The following URB1 variants were observed in gnomAD, a reference collection of about 807,000 sequenced individuals.
URB1 encodes the protein URB1 ribosome biogenesis factor.
In URB1, 197 loss-of-function variants were observed where a neutral mutation model predicts 242.3. The observed-to-expected ratio is 0.81, with a 90% CI of 0.72 to 0.91. URB1 has a LOEUF of 0.91. URB1 is among the 40% of genes least tolerant of loss of function. The pLI, the probability that URB1 is intolerant of heterozygous loss-of-function variation, is 0.00. For missense variants in URB1, 2,721 were observed against 2,860.5 expected (o/e 0.95, Z 1.11); for synonymous variants, 1,153 against 1,201.8 (o/e 0.96, Z 0.84).
At chr21:32,363,513 T>C (rs1042625394) in intron 10 of URB1, among the ~76,000 whole-genome samples, 184 bp from the exon 11 acceptor site, 3 of 152,222 alleles carry the variant, frequency 2.0e-5, no homozygotes, top group Admixed American at 2.0e-4. Flanking sequence ...CCTCTGGGTC[T>C]GACTTCAGCA....
At chr21:32,322,617 G>A (rs1168086436) in intron 32 of URB1, 33 bp from the exon 33 acceptor site, 2 of 1,499,700 alleles carry the variant, frequency 1.3e-6, no homozygotes, top group Non-Finnish European at 1.8e-6. Flanking sequence ...AGTCATGGCA[G>A]GCCCCAGCAG....
At chr21:32,343,618 A>G (rs1022213618) in intron 24 of URB1, among the ~76,000 whole-genome samples, 1 of 152,204 alleles carries the variant, frequency 6.6e-6, no homozygotes, top group Non-Finnish European at 1.5e-5. Context: ...TGAAGTACAC[A>G]TATTTCTGTA....
intron 4 of URB1, among the ~76,000 whole-genome samples, chr21:32,378,854 T>G (rs1257327286): frequency 6.6e-6 from 1 of 152,230 alleles, no homozygotes; most frequent in Admixed American, 6.5e-5. Flanking sequence ...TTTCGTTTCT[T>G]GGCCACTTTG....
intron 27 of URB1, 29 bp from the exon 28 acceptor site, chr21:32,337,186 A>G: frequency 1.3e-6 from 2 of 1,550,874 alleles, no homozygotes; most frequent in Non-Finnish European, 1.7e-6. Flanking sequence ...TCGGTTTAGG[A>G]AGATGAACCC....
In URB1 at chr21:32,325,358, A is replaced by T. The variant is rs367812791; in HGVS notation, c.4992T>A (p.Asp1664Glu). 26 of 1,551,084 alleles carry T rather than the reference A, an allele frequency of 1.7e-5. No homozygotes were observed. The African/African-American group carries it at 3.0e-4, about 18-fold the overall frequency. Residue 1664 changes from aspartate (D) to glutamate (E), a missense_variant, in exon 31 of 39, where the codon GAT becomes GAA. Physicochemically the swap from Asp to Glu is conservative, Grantham distance 45. Coordinates refer to ENST00000382751, the MANE Select transcript of URB1 (RefSeq NM_014825.3). The stretch of plus-strand genomic sequence containing the variant: ...TGACAGTTAGGCCCAGAGCATTTGA[A>T]TCCAAAAATTTTCGACAATCCACCA... ...EFVVDCRKFL[D>E]SNALGLTVTA...
intron 9 of URB1, 54 bp from the exon 10 acceptor site, chr21:32,366,809 G>A: frequency 6.5e-7 from 1 of 1,535,470 alleles, no homozygotes; most frequent in East Asian, 2.5e-5. Context: ...TTTCAAACCT[G>A]AGACTAGCTG....
chr21:32,331,620 TCACA>T (rs2032893382), intron 30 of URB1, among the ~76,000 whole-genome samples: 1 of 152,158 alleles, frequency 6.6e-6, no homozygotes, highest in African/African-American at 2.4e-5. Context: ...CGACAGGCTC[TCACA>T]CACACAAAGG....
chr21:32,371,837 A>G (rs9982950), intron 8 of URB1, among the ~76,000 whole-genome samples: 23,297 of 152,102 alleles, frequency 0.15, 2,395 homozygotes, highest in African/African-American at 0.3. Flanking sequence ...AAAATCACAT[A>G]GACCTGTATT....
At position 32,311,421 on chromosome 21, in the gene URB1, C is replaced by A. The variant is rs755591006; in HGVS notation, c.*3497G>T. ...CTGCTCCCCTCCACCCCCCACCCCC[C>A]CCATCCTAAATCAATGTAGGAAGAA... On this transcript the variant is annotated 3_prime_UTR_variant, in exon 39 of 39. Transcript: ENST00000382751. The A allele has an allele frequency of 3.0e-5, 9 of 302,946 alleles. No homozygotes were observed. Among genetic ancestry groups the A allele is most frequent in the East Asian group, 1.1e-4 (2 of 18,712 alleles). 18.8% of individuals were successfully genotyped at this position (302,946 alleles called of 1,614,324 possible). A position where few individuals can be genotyped will look rare whatever the true frequency, so the allele number is the denominator to read the frequency against.
rs573266495 is a variant in URB1, at chr21:32,366,488, G to A, written c.1335+130C>T. 29 of 1,308,228 alleles carry A rather than the reference G, an allele frequency of 2.2e-5. No homozygotes were observed. In the East Asian group the frequency reaches 6.6e-4, roughly 30 times the overall value. 81.0% of individuals were successfully genotyped at this position (1,308,228 alleles called of 1,614,324 possible). A position where few individuals can be genotyped will look rare whatever the true frequency, so the allele number is the denominator to read the frequency against. ...TATTTCAAACTACAGCCTCTGTCCT[G>A]GAAGCCTCCGAGGCCCCCTGACAAA... On this transcript the variant is annotated intron_variant, in intron 10 of 38. Coordinates refer to ENST00000382751, the MANE Select transcript of URB1 (RefSeq NM_014825.3).
In URB1 at chr21:32,345,498, G is replaced by A. The variant is rs2033076975; in HGVS notation, c.3946C>T (p.Pro1316Ser). Reference protein sequence around the residue: ...LQSRLLSTDSPPASGLYQEIL... With the variant: ...LQSRLLSTDSSPASGLYQEIL... ...TCCTGGTACAGCCCAGATGCTGGGG[G>A]ACTGTCAGTGCTAAGAAGCCTGCTC... Residue 1316 changes from proline (P) to serine (S), a missense_variant, in exon 23 of 39, where the codon CCC (proline) becomes TCC (serine). Pro to Ser is a moderately conservative substitution (Grantham distance 74, BLOSUM62 -1). Coordinates refer to ENST00000382751, the MANE Select transcript of URB1 (RefSeq NM_014825.3). The A allele has an allele frequency of 1.9e-6, 3 of 1,551,474 alleles. No homozygotes were observed. The highest frequency in any genetic ancestry group is 2.7e-5 in the African/African-American group (2 of 73,168).
chr21:32,333,302 G>GA lies in URB1; in HGVS notation c.4960+14dup, dbSNP rs1434832842. On this transcript the variant is annotated intron_variant, in intron 30 of 38. Transcript: ENST00000382751. ...ATGCATAGCAAGCCCTGACCCAAGA[G>GA]AAGACTGCAGTTACCTGGCCTGGTC... 2 of 1,551,022 alleles carry GA rather than the reference G, an allele frequency of 1.3e-6. No homozygotes were observed. Among genetic ancestry groups the GA allele is most frequent in the South Asian group, 2.4e-5 (2 of 84,036 alleles).
intron 24 of URB1, among the ~76,000 whole-genome samples, 159 bp downstream of exon 24, chr21:32,344,411 G>A (rs1053175050): frequency 3.3e-5 from 5 of 152,082 alleles, no homozygotes; most frequent in Admixed American, 2.6e-4. Context: ...CAATTCTGGG[G>A]TTATCCAGTA....
At position 32,359,884 on chromosome 21, in the gene URB1, C is replaced by A. The variant is rs887246838; in HGVS notation, c.1781G>T (p.Arg594Leu). ...LKGVISEQGL[R>L]EEVPPILQHH... is the part of the protein sequence containing the mutation. ...CTGCAGAATGGGAGGCACCTCCTCT[C>A]GAAGGCCCTGCTCAGAGATGACACC... The change falls in exon 14 of 39, where the codon CGA (arginine) becomes CTA (leucine). Residue 594 changes from arginine to leucine, a missense_variant. Coordinates refer to ENST00000382751, the MANE Select transcript of URB1 (RefSeq NM_014825.3). 8 of 1,548,422 alleles carry A rather than the reference C, an allele frequency of 5.2e-6. No individual in the cohort carries two copies. The highest frequency in any genetic ancestry group is 7.0e-6 in the Non-Finnish European group (8 of 1,145,764).
At chr21:32,328,184 C>G (rs567362037) in intron 30 of URB1, among the ~76,000 whole-genome samples, 1 of 152,248 alleles carries the variant, frequency 6.6e-6, no homozygotes, top group African/African-American at 2.4e-5. Context: ...GTCGCCCAGG[C>G]TGGAGTGCAG....
At chr21:32,368,276 C>T in intron 9 of URB1, 127 bp downstream of exon 9, 2 of 778,030 alleles carry the variant, frequency 2.6e-6, no homozygotes, top group East Asian at 6.1e-5. Context: ...TCACGTTGGC[C>T]AGGCTGGTCT....
rs373701771 is a variant in URB1, at chr21:32,363,337, G to GA, written c.1336-9dup. On this transcript the variant is annotated splice_polypyrimidine_tract_variant and intron_variant, in intron 10 of 38. Transcript: ENST00000382751. ...CACTGAGGTGCTGTCCAACTGGGAA[G>GA]AAAAAGAGTTAAATGCACACATGTC... The GA allele has an allele frequency of 1.3e-3, 2,074 of 1,550,032 alleles. 18 individuals carry two copies. In the African/African-American group the frequency reaches 0.026, roughly 19 times the overall value.
At chr21:32,316,087 A>G (rs1246302362) in intron 38 of URB1, among the ~76,000 whole-genome samples, 2 of 152,264 alleles carry the variant, frequency 1.3e-5, no homozygotes, top group African/African-American at 4.8e-5. Flanking sequence ...ATGCGCACAC[A>G]TGCAAGCATA....
In URB1 at chr21:32,350,896, C is replaced by T. The variant is rs373405149; in HGVS notation, c.2640G>A (p.Ser880=). 35 of 1,548,142 alleles carry T rather than the reference C, an allele frequency of 2.3e-5. No homozygotes were observed. Among genetic ancestry groups the T allele is most frequent in the Non-Finnish European group, 2.9e-5 (33 of 1,146,902 alleles). The change falls in exon 20 of 39, where the codon TCG becomes TCA. Residue 880 remains serine, a synonymous_variant. Transcript: ENST00000382751. ...ACGAGGCCAAGGGAAGGGCAGGGGG[C>T]GAGGGGCTGCCCTGTGCCTGCAGCA... is the stretch of plus-strand genomic sequence containing the variant. ...AWLLQAQGSP[S]PPALPLASSF...
Sources: gnomAD v4.1 joint callset for allele counts (sites outside exome capture counted in the v4.1 genomes callset) on GRCh38, gnomAD v4.1.1 for gene constraint, MANE v1.5 for transcripts, NCBI Gene and HGNC (gene_info 2026-07-23, HGNC 2026-07-21) for gene names.